PRKDC: variants seen among roughly 807,000 people sequenced by gnomAD.
The protein encoded by PRKDC is protein kinase, DNA-activated, catalytic subunit, also known as DNA-dependent protein kinase catalytic subunit.
In PRKDC, 82 loss-of-function variants were observed where a neutral mutation model predicts 486.9. That is an observed-to-expected ratio of 0.17 (90% CI 0.14 to 0.20). PRKDC has a LOEUF of 0.20. PRKDC is among the 10% of genes least tolerant of loss of function. The pLI, the probability that PRKDC is intolerant of heterozygous loss-of-function variation, is 1.00. For missense variants in PRKDC, 4,504 were observed against 5,038.2 expected, an observed-to-expected ratio of 0.89 and a Z score of 3.21; for synonymous variants, 1,895 against 1,837.0, an observed-to-expected ratio of 1.03 and a Z score of -0.81.
chr8:47,841,608 A>G (rs1470167948), intron 54 of PRKDC, among the ~76,000 whole-genome samples: 1 of 152,224 alleles, frequency 6.6e-6, no homozygotes, highest in African/African-American at 2.4e-5. Context: ...CACATCGTTC[A>G]GGAATACAGA....
intron 54 of PRKDC, among the ~76,000 whole-genome samples, chr8:47,845,370 C>T (rs540083767): frequency 2.6e-5 from 4 of 152,088 alleles, no homozygotes; most frequent in Non-Finnish European, 4.4e-5. Flanking sequence ...AAAGAATAAA[C>T]GAGATAGACC....
intron 39 of PRKDC, 97 bp from the exon 40 acceptor site, chr8:47,877,948 T>A: frequency 1.1e-6 from 1 of 875,302 alleles, no homozygotes; most frequent in Non-Finnish European, 1.5e-6. Flanking sequence ...GTTTCTTATA[T>A]AATAAAAAAT....
At chr8:47,805,508 G>A (rs919237332) in intron 69 of PRKDC, among the ~76,000 whole-genome samples, 1 of 152,122 alleles carries the variant, frequency 6.6e-6, no homozygotes, top group African/African-American at 2.4e-5. Flanking sequence ...CAGTTGTGAA[G>A]CATTCTTTAT....
chr8:47,821,841 C>A, intron 64 of PRKDC, 49 bp from the exon 65 acceptor site: 3 of 1,411,720 alleles, frequency 2.1e-6, no homozygotes, highest in Admixed American at 5.9e-5. Context: ...GGAAAGAATA[C>A]CAATGAGAAC....
At chr8:47,824,468 CAA>C (rs11369602) in intron 63 of PRKDC, among the ~76,000 whole-genome samples, 15 of 37,694 alleles carry the variant, frequency 4.0e-4, no homozygotes, top group East Asian at 2.0e-3. Context: ...GACTCCGCCT[CAA>C]AAAAAAAAAA....
At chr8:47,888,154 A>G (rs2089376908) in intron 34 of PRKDC, among the ~76,000 whole-genome samples, 1 of 152,194 alleles carries the variant, frequency 6.6e-6, no homozygotes, top group African/African-American at 2.4e-5. Flanking sequence ...CTGGGATTAC[A>G]AGTATGAGCC....
rs56209904 is a variant in PRKDC, at chr8:47,889,156, C to A, written c.4138G>T (p.Ala1380Ser). The A allele has an allele frequency of 6.2e-7, 1 of 1,613,844 alleles. No homozygotes were observed. Among genetic ancestry groups the A allele is most frequent in the Non-Finnish European group, 8.5e-7 (1 of 1,179,888 alleles). Residue 1380 changes from alanine (A) to serine (S), a missense_variant, in exon 33 of 86, where the codon GCA (alanine) becomes TCA (serine). Coordinates refer to ENST00000314191, the MANE Select transcript of PRKDC (RefSeq NM_006904.7). ...RVLVQTLCEP[A>S]SIGFNIGDVQ... ...TCTCCGATGTTGAAACCTATGCTTG[C>A]GGGCTCACACAGCGTCTGCACCAGG...
At chr8:47,859,893 C>T (rs2088635713) in intron 45 of PRKDC, 134 bp from the exon 46 acceptor site, 1 of 919,888 alleles carries the variant, frequency 1.1e-6, no homozygotes, top group Non-Finnish European at 1.6e-6. Flanking sequence ...TGATTATTAA[C>T]CTATTATCCA....
At chr8:47,818,337 T>C (rs1006504844) in intron 67 of PRKDC, among the ~76,000 whole-genome samples, 2 of 152,084 alleles carry the variant, frequency 1.3e-5, no homozygotes, top group South Asian at 2.1e-4. Flanking sequence ...CCCAGCACTT[T>C]GGGAGGCCGA....
intron 35 of PRKDC, among the ~76,000 whole-genome samples, chr8:47,886,801 C>A (rs1449007489): frequency 6.6e-6 from 1 of 152,148 alleles, no homozygotes; most frequent in Non-Finnish European, 1.5e-5. Context: ...GATCTTCCCA[C>A]CTCAGCCTCT....
chr8:47,934,976 A>G (rs1317366002), intron 14 of PRKDC, 33 bp downstream of exon 14: 1 of 1,455,244 alleles, frequency 6.9e-7, no homozygotes, highest in South Asian at 1.3e-5. Context: ...GTGATAACAG[A>G]TTAATTTTCT....
chr8:47,780,197 G>A (rs372803735), intron 80 of PRKDC, among the ~76,000 whole-genome samples: 12 of 152,322 alleles, frequency 7.9e-5, no homozygotes, highest in South Asian at 4.1e-4. Flanking sequence ...TTACAGGCGT[G>A]AGCTACTGCG....
chr8:47,880,118 C>T (rs1428067409), intron 38 of PRKDC, among the ~76,000 whole-genome samples: 2 of 152,026 alleles, frequency 1.3e-5, no homozygotes, highest in Non-Finnish European at 2.9e-5. Context: ...CAAAATGTTG[C>T]GATTACAGGC....
chr8:47,891,796 A>T (rs1012765790), intron 31 of PRKDC, among the ~76,000 whole-genome samples: 1 of 152,228 alleles, frequency 6.6e-6, no homozygotes, highest in Admixed American at 6.5e-5. Context: ...ACACACTGCA[A>T]CCATGGATCT....
chr8:47,884,499 C>G (rs1011354837), intron 36 of PRKDC, among the ~76,000 whole-genome samples: 8 of 152,328 alleles, frequency 5.3e-5, no homozygotes, highest in African/African-American at 1.9e-4. Flanking sequence ...TTTTAAAAAT[C>G]TCATTCTGTT....
In PRKDC at chr8:47,782,727, G is replaced by A. The variant is rs532973753; in HGVS notation, c.11176-129C>T. ...TGAAGACAGTGCCAAAGAGCAGAGC[G>A]CCCAGGCCAGCAACGAATTTCTGCT... is the stretch of plus-strand genomic sequence containing the variant. On this transcript the variant is annotated intron_variant, in intron 78 of 85. Coordinates refer to ENST00000314191, the MANE Select transcript of PRKDC (RefSeq NM_006904.7). This position sits in a 1 kb window ranked among gnomAD's most constrained non-coding sequence, Gnocchi z 4.9. 86 of 979,226 alleles carry A rather than the reference G, an allele frequency of 8.8e-5. No individual in the cohort carries two copies. In the Admixed American group the frequency reaches 2.1e-3, roughly 23 times the overall value. 60.7% of individuals were successfully genotyped at this position (979,226 alleles called of 1,614,324 possible).
chr8:47,949,865 T>C (rs555252948), intron 7 of PRKDC, among the ~76,000 whole-genome samples: 113 of 152,280 alleles, frequency 7.4e-4, no homozygotes, highest in Non-Finnish European at 1.4e-3. Context: ...AAAATGAAAC[T>C]GCTGCCTACA....
At chr8:47,928,692 G>T (rs1283943643) in intron 19 of PRKDC, among the ~76,000 whole-genome samples, 1 of 149,420 alleles carries the variant, frequency 6.7e-6, no homozygotes, top group Non-Finnish European at 1.5e-5. Flanking sequence ...TGACACAATT[G>T]TTTTTTTTTG....
intron 40 of PRKDC, among the ~76,000 whole-genome samples, chr8:47,876,119 T>G (rs928643154): frequency 5.9e-5 from 9 of 152,222 alleles, no homozygotes; most frequent in Admixed American, 6.5e-5. Context: ...GGCAGTCAAC[T>G]GTAAATGGTC....
Sources: allele counts gnomAD v4.1 joint callset (sites outside exome capture counted in the v4.1 genomes callset), GRCh38; gene constraint gnomAD v4.1.1; non-coding constraint Gnocchi (gnomAD v3.1); transcripts MANE v1.5; gene names NCBI Gene and HGNC (gene_info 2026-07-23, HGNC 2026-07-21).